Variants in TARBP1 observed in about 807,000 individuals in gnomAD.
TARBP1 encodes tRNA guanosine 2 -O-methyltransferase TARBP1.
In TARBP1, 144 loss-of-function variants were observed where a neutral mutation model predicts 178.6. That is an observed-to-expected ratio of 0.81 (90% CI 0.70 to 0.93). The LOEUF is 0.93. Ranked by LOEUF, TARBP1 falls within the 40% of genes least tolerant of loss-of-function variation. TARBP1 has a pLI of 0.00. For synonymous variants in TARBP1, 787 were observed against 781.0 expected, an observed-to-expected ratio of 1.01 and a Z score of -0.13; for missense variants, 2,067 against 2,011.7, an observed-to-expected ratio of 1.03 and a Z score of -0.53.
chr1:234,392,206 C>T (rs370642425), intron 29 of TARBP1, among the ~76,000 whole-genome samples: 5 of 152,110 alleles, frequency 3.3e-5, no homozygotes, highest in African/African-American at 1.2e-4. Flanking sequence ...TCTCGTGGAG[C>T]ATGCCTGTAA....
intron 19 of TARBP1, 70 bp from the exon 20 acceptor site, chr1:234,425,863 T>G: frequency 8.1e-7 from 1 of 1,241,576 alleles, no homozygotes; most frequent in Admixed American, 2.3e-5. Context: ...AATATTAGTT[T>G]CAAATATCAT....
rs745494797 is a variant in TARBP1 at position 234,446,883 on chromosome 1, A to C, written c.2054T>G (p.Leu685Trp). The change falls in exon 12 of 30, where the codon TTG (leucine) becomes TGG (tryptophan). Residue 685 changes from leucine (L) to tryptophan (W), a missense_variant. Physicochemically the swap from Leu to Trp is moderately conservative, Grantham distance 61. Coordinates refer to ENST00000040877, the MANE Select transcript of TARBP1 (RefSeq NM_005646.4). ...MKFSTNAYMP[L>W]LKTDRCLQLL... The stretch of plus-strand genomic sequence containing the variant: ...CTGGAGGCATCTGTCAGTCTTCAGC[A>C]AGGGCATGTAGGCATTGGTACTAAA... 1.3e-5 allele frequency: 21 copies of C among 1,613,972 alleles called. No individual in the cohort carries two copies. The highest frequency in any genetic ancestry group is 1.8e-5 in the Non-Finnish European group (21 of 1,179,990).
At chr1:234,441,180 T>C (rs1665556831) in intron 12 of TARBP1, among the ~76,000 whole-genome samples, 1 of 152,170 alleles carries the variant, frequency 6.6e-6, no homozygotes, top group Non-Finnish European at 1.5e-5. Context: ...TAAGATCCTG[T>C]CTCTAAATAA....
At chr1:234,399,945 G>T in intron 25 of TARBP1, among the ~76,000 whole-genome samples, 1 of 151,452 alleles carries the variant, frequency 6.6e-6, no homozygotes, top group East Asian at 1.9e-4. Context: ...TAGATGACGA[G>T]TTGGTGGGTG....
intron 22 of TARBP1, among the ~76,000 whole-genome samples, chr1:234,410,886 A>T (rs1661740770): frequency 6.6e-6 from 1 of 152,238 alleles, no homozygotes; most frequent in Non-Finnish European, 1.5e-5. Context: ...CAGCTTGGCC[A>T]ACATGGTGAA....
At chr1:234,427,854 A>C in intron 17 of TARBP1, 88 bp from the exon 18 acceptor site, 1 of 915,956 alleles carries the variant, frequency 1.1e-6, no homozygotes, top group South Asian at 3.3e-5. Context: ...TTTCAACATA[A>C]TCATGAACAG....
intron 1 of TARBP1, among the ~76,000 whole-genome samples, chr1:234,476,466 G>C (rs1669579271): frequency 6.6e-6 from 1 of 152,192 alleles, no homozygotes. Context: ...CGACATCTGG[G>C]CATGTAAGGG....
At chr1:234,417,629 G>T (rs923180317) in intron 22 of TARBP1, among the ~76,000 whole-genome samples, 2 of 152,200 alleles carry the variant, frequency 1.3e-5, no homozygotes, top group African/African-American at 4.8e-5. Flanking sequence ...AAGCGATTAG[G>T]GGAGTGTGTG....
chr1:234,457,186 C>T (rs922205522), intron 9 of TARBP1, among the ~76,000 whole-genome samples: 4 of 152,032 alleles, frequency 2.6e-5, no homozygotes, highest in East Asian at 1.9e-4. Context: ...AGCCACAGAG[C>T]GGCATGGAGA....
At chr1:234,455,877 A>T (rs948382983) in intron 9 of TARBP1, among the ~76,000 whole-genome samples, 2 of 152,354 alleles carry the variant, frequency 1.3e-5, no homozygotes, top group African/African-American at 4.8e-5. Flanking sequence ...ATCCCAAAAC[A>T]AAATGGGGAA....
chr1:234,465,741 GA>G, intron 4 of TARBP1, 33 bp from the exon 5 acceptor site: 1 of 1,481,174 alleles, frequency 6.8e-7, no homozygotes, highest in Non-Finnish European at 9.0e-7. Flanking sequence ...ACACGTAATT[GA>G]AACTTAGTTG....
At chr1:234,455,522 G>C (rs1041588652) in intron 9 of TARBP1, among the ~76,000 whole-genome samples, 1 of 152,064 alleles carries the variant, frequency 6.6e-6, no homozygotes, top group Admixed American at 6.5e-5. Context: ...GACTAAGAAG[G>C]GTCTTTGCCT....
intron 22 of TARBP1, among the ~76,000 whole-genome samples, chr1:234,411,365 C>T (rs150890892): frequency 5.3e-4 from 80 of 152,226 alleles, no homozygotes; most frequent in East Asian, 1.4e-3. Flanking sequence ...TTTTGGCATC[C>T]GTAGGGGGCC....
At chr1:234,478,117 C>G in intron 1 of TARBP1, 56 bp downstream of exon 1, 1 of 1,551,220 alleles carries the variant, frequency 6.4e-7, no homozygotes, top group Non-Finnish European at 8.8e-7. Context: ...CAGGAAGACT[C>G]CCCTCTGGGG....
chr1:234,404,323 A>AC (rs1661000081), intron 24 of TARBP1, among the ~76,000 whole-genome samples: 1 of 152,142 alleles, frequency 6.6e-6, no homozygotes, highest in African/African-American at 2.4e-5. Flanking sequence ...TCCCCTGGTT[A>AC]CCTATCTCTA....
intron 24 of TARBP1, among the ~76,000 whole-genome samples, chr1:234,403,044 T>C (rs544760899): frequency 6.6e-6 from 1 of 152,246 alleles, no homozygotes; most frequent in South Asian, 2.1e-4. Flanking sequence ...TAAATCACAA[T>C]TTTCCTCCCA....
chr1:234,410,345 T>A (rs898475180), intron 23 of TARBP1, 100 bp downstream of exon 23: 1 of 677,910 alleles, frequency 1.5e-6, no homozygotes, highest in Non-Finnish European at 2.5e-6. Flanking sequence ...AAGGGAAAAA[T>A]TGCAAACATT....
chr1:234,419,443 T>G (rs1352962672), intron 21 of TARBP1, among the ~76,000 whole-genome samples: 1 of 152,162 alleles, frequency 6.6e-6, no homozygotes. Flanking sequence ...GCAGTGCTCT[T>G]AGAGGCAAAA....
At chr1:234,443,780 A>G (rs1360037634) in intron 12 of TARBP1, among the ~76,000 whole-genome samples, 2 of 152,236 alleles carry the variant, frequency 1.3e-5, no homozygotes, top group African/African-American at 4.8e-5. Flanking sequence ...CTTTAAAAGG[A>G]ATCAAAGCAT....
Sources: allele counts gnomAD v4.1 joint callset (sites outside exome capture counted in the v4.1 genomes callset), GRCh38; gene constraint gnomAD v4.1.1; transcripts MANE v1.5; gene names NCBI Gene and HGNC (gene_info 2026-07-23, HGNC 2026-07-21).